The following EBF1 variants were observed in gnomAD, a reference collection of about 807,000 sequenced individuals.
The protein encoded by EBF1 is transcription factor COE1.
Under a neutral mutation model 68.4 loss-of-function variants are expected in EBF1, and 10 were observed. The ratio of observed to expected loss-of-function variants is 0.15; its 90% confidence interval spans 0.09 to 0.25. EBF1 has a LOEUF of 0.25. EBF1 is among the 10% of genes least tolerant of loss of function. The probability of loss-of-function intolerance (pLI) is 1.00; values close to 1 mark genes in which losing one functional copy is unlikely to be tolerated. For synonymous variants in EBF1, 298 were observed against 299.8 expected (o/e 0.99, Z 0.06); for missense variants, 509 against 794.4 (o/e 0.64, Z 4.32).
chr5:158,964,116 A>G (rs981356437), intron 6 of EBF1, among the ~76,000 whole-genome samples: 1 of 152,184 alleles, frequency 6.6e-6, no homozygotes, highest in Non-Finnish European at 1.5e-5. Context: ...AAGCTGAGGC[A>G]AGGAGAAAGC....
At chr5:158,707,383 A>G (rs182203968) in intron 15 of EBF1, among the ~76,000 whole-genome samples, 2 of 152,398 alleles carry the variant, frequency 1.3e-5, no homozygotes, top group East Asian at 3.9e-4. Flanking sequence ...CAATTTTAAT[A>G]TGAATCAGAA....
intron 9 of EBF1, among the ~76,000 whole-genome samples, chr5:158,784,745 G>A (rs938487661): frequency 6.6e-6 from 1 of 152,134 alleles, no homozygotes; most frequent in Non-Finnish European, 1.5e-5. Context: ...AGGGATAAAA[G>A]GAAGGAAATG....
chr5:159,091,308 C>T (rs768775442), intron 4 of EBF1, among the ~76,000 whole-genome samples: 1 of 152,156 alleles, frequency 6.6e-6, no homozygotes, highest in Admixed American at 6.5e-5. Flanking sequence ...TTGTTTTCAC[C>T]CCCAGACTCC....
rs191976964 is a variant in EBF1, at chr5:158,927,065, T to C, written c.555-86955A>G. 2.0e-4 allele frequency among the ~76,000 whole-genome samples: 31 copies of C among 152,360 alleles called. 1 individual carries two copies. The highest frequency in any genetic ancestry group is 1.8e-3 in the Admixed American group (27 of 15,306). Reference sequence around the variant, plus strand: ...ATTTAAGGTGGCTTCACCCCATCTATGCAATGTGGATCTGAGGTGAGAAGA... The same window carrying C: ...ATTTAAGGTGGCTTCACCCCATCTACGCAATGTGGATCTGAGGTGAGAAGA... On this transcript the variant is annotated intron_variant, in intron 6 of 15. Coordinates refer to ENST00000313708, the MANE Select transcript of EBF1 (RefSeq NM_024007.5).
At chr5:158,754,602 T>C (rs994142932) in intron 10 of EBF1, among the ~76,000 whole-genome samples, 3 of 152,146 alleles carry the variant, frequency 2.0e-5, no homozygotes, top group African/African-American at 7.2e-5. Context: ...ATTTATTCTG[T>C]CAATAACTTT....
chr5:159,095,399 C>A (rs1046776574), intron 4 of EBF1, among the ~76,000 whole-genome samples: 1 of 152,132 alleles, frequency 6.6e-6, no homozygotes, highest in African/African-American at 2.4e-5. Context: ...TCACAAGGCC[C>A]GAGTTCCCTT....
chr5:158,723,234 T>G (rs757053687), intron 11 of EBF1, among the ~76,000 whole-genome samples: 4 of 152,194 alleles, frequency 2.6e-5, no homozygotes, highest in South Asian at 4.1e-4. Context: ...CTTGCCTCCT[T>G]CCCTAACCAG....
At chr5:158,742,597 G>A (rs1766656018) in intron 10 of EBF1, among the ~76,000 whole-genome samples, 1 of 152,178 alleles carries the variant, frequency 6.6e-6, no homozygotes, top group African/African-American at 2.4e-5. Flanking sequence ...AGAGTCTAGA[G>A]GGGCAGAAAG....
At chr5:158,861,842 T>TAA (rs33912710) in intron 6 of EBF1, among the ~76,000 whole-genome samples, 20,534 of 146,604 alleles carry the variant, frequency 0.14, 1,410 homozygotes, top group Non-Finnish European at 0.16. Flanking sequence ...TGATTTATTG[T>TAA]AAAAAAAAAA....
In EBF1 at chr5:158,696,919, C is replaced by A. The variant is rs775836947; in HGVS notation, c.*2192G>T. On this transcript the variant is annotated 3_prime_UTR_variant, in exon 16 of 16. Coordinates refer to ENST00000313708, the MANE Select transcript of EBF1 (RefSeq NM_024007.5). ...TTTGTTTTTTTTTTTTTCTTTTTTT[C>A]TTTTTCTTTTTTCTTAGAATGTTAG... The A allele has an allele frequency of 6.5e-5, 10 of 154,884 alleles. No homozygotes were observed. Among genetic ancestry groups the A allele is most frequent in the Non-Finnish European group, 9.2e-5 (7 of 76,122 alleles). 9.6% of individuals were successfully genotyped at this position (154,884 alleles called of 1,614,324 possible).
intron 6 of EBF1, among the ~76,000 whole-genome samples, chr5:158,875,518 T>C (rs894263259): frequency 1.3e-5 from 2 of 152,198 alleles, no homozygotes; most frequent in Non-Finnish European, 2.9e-5. Context: ...ACTACATTCA[T>C]AAGACAAAAC....
At chr5:158,888,071 G>A (rs1450873184) in intron 6 of EBF1, among the ~76,000 whole-genome samples, 3 of 152,160 alleles carry the variant, frequency 2.0e-5, no homozygotes, top group Non-Finnish European at 2.9e-5. Context: ...GCTGGCAGGT[G>A]AGGGCTCGGC....
intron 4 of EBF1, among the ~76,000 whole-genome samples, chr5:159,093,629 G>A (rs1211902926): frequency 6.6e-6 from 1 of 152,008 alleles, no homozygotes; most frequent in Non-Finnish European, 1.5e-5. Context: ...GATATTTGAT[G>A]TATTGCTTTA....
intron 11 of EBF1, among the ~76,000 whole-genome samples, chr5:158,722,880 GA>G (rs899481045): frequency 7.9e-5 from 12 of 152,154 alleles, no homozygotes; most frequent in African/African-American, 2.7e-4. Flanking sequence ...TTAAGGGGAG[GA>G]TGTTGGGTGG....
At chr5:158,912,521 T>C (rs1806221897) in intron 6 of EBF1, among the ~76,000 whole-genome samples, 1 of 152,156 alleles carries the variant, frequency 6.6e-6, no homozygotes, top group East Asian at 1.9e-4. Context: ...GAATACAGAT[T>C]CTCAAGCCTC....
intron 8 of EBF1, among the ~76,000 whole-genome samples, chr5:158,813,522 A>G (rs1783113110): frequency 1.3e-5 from 2 of 152,184 alleles, no homozygotes; most frequent in Admixed American, 1.3e-4. Context: ...AGAGATGGCC[A>G]AGGTGGAGGG....
At chr5:158,774,113 G>T (rs1030087747) in intron 10 of EBF1, among the ~76,000 whole-genome samples, 2 of 152,154 alleles carry the variant, frequency 1.3e-5, no homozygotes, top group African/African-American at 4.8e-5. Context: ...ATCCAGTCAG[G>T]ATTCACTTTC....
rs771633394 is a variant in EBF1 at position 158,712,175 on chromosome 5, C to T, written c.1528G>A (p.Ala510Thr). The change falls in exon 14 of 16, where the codon GCT becomes ACT. Residue 510 changes from alanine to threonine, a missense_variant. By Grantham distance (58) the Ala-to-Thr change is moderately conservative. Around this residue, in one of 3 missense-constraint regions of EBF1, gnomAD observed 205 missense variants for 247.4 expected, o/e 0.83. Transcript: ENST00000313708. ...TTACTGGCATAGGGGGAGTTGGCAG[C>T]TGAGCCGTTGAGGAAGGTGGGGGAG... ...GGSPTFLNGS[A>T]ANSPYAIVPS... 7 of 1,613,726 alleles carry T rather than the reference C, an allele frequency of 4.3e-6. No individual in the cohort carries two copies. Among genetic ancestry groups the T allele is most frequent in the Non-Finnish European group, 5.1e-6 (6 of 1,179,930 alleles).
At chr5:158,759,952 A>G (rs1771039397) in intron 10 of EBF1, among the ~76,000 whole-genome samples, 1 of 152,148 alleles carries the variant, frequency 6.6e-6, no homozygotes, top group Non-Finnish European at 1.5e-5. Context: ...TGACAACAAA[A>G]TATTCATGTT....
Sources: gnomAD v4.1 joint callset for allele counts (sites outside exome capture counted in the v4.1 genomes callset) on GRCh38, gnomAD v4.1.1 for gene constraint, gnomAD v4.1.1 regional missense constraint, MANE v1.5 for transcripts, NCBI Gene and HGNC (gene_info 2026-07-23, HGNC 2026-07-21) for gene names.